Variants in ANK3 observed in about 807,000 individuals in gnomAD.
ANK3 encodes ankyrin-3.
In ANK3, 57 loss-of-function variants were observed where a neutral mutation model predicts 370.9. The ratio of observed to expected loss-of-function variants is 0.15; its 90% CI spans 0.12 to 0.19. ANK3 has a LOEUF of 0.19. Among genes scored for constraint, ANK3 ranks in the 10% least tolerant of loss-of-function variants. The probability of loss-of-function intolerance (pLI) is 1.00; values close to 1 mark genes in which losing one functional copy is unlikely to be tolerated. For missense variants in ANK3, 4,439 were observed against 5,302.1 expected, an observed-to-expected ratio of 0.84 and a Z score of 5.06; for synonymous variants, 1,929 against 1,946.3, an observed-to-expected ratio of 0.99 and a Z score of 0.23.
intron 2 of ANK3, among the ~76,000 whole-genome samples, chr10:60,557,064 T>C (rs2077223564): frequency 6.6e-6 from 1 of 152,114 alleles, no homozygotes; most frequent in Non-Finnish European, 1.5e-5. Flanking sequence ...TGTGGAAAAA[T>C]TGTCTTCCAC....
chr10:60,661,158 GT>G (rs568439558), intron 1 of ANK3, among the ~76,000 whole-genome samples: 124 of 141,632 alleles, frequency 8.8e-4, no homozygotes, highest in Middle Eastern at 3.7e-3. Flanking sequence ...AAGTGTTTTG[GT>G]TTTTTTTTTT....
At chr10:60,409,346 C>G (rs1464719386) in intron 2 of ANK3, among the ~76,000 whole-genome samples, 1 of 152,098 alleles carries the variant, frequency 6.6e-6, no homozygotes, top group Non-Finnish European at 1.5e-5. Context: ...GGTCTCCATT[C>G]TGAAATGAAG....
intron 2 of ANK3, among the ~76,000 whole-genome samples, chr10:60,499,463 A>G (rs1016057245): frequency 6.6e-6 from 1 of 152,220 alleles, no homozygotes; most frequent in South Asian, 2.1e-4. Context: ...ACTATACACA[A>G]TAGGTAAAAC....
intron 1 of ANK3, among the ~76,000 whole-genome samples, chr10:60,644,890 T>TTTAAAAA: frequency 7.9e-6 from 1 of 125,968 alleles, no homozygotes; most frequent in Admixed American, 8.9e-5. Context: ...AGTTTTAGTT[T>TTTAAAAA]AAAAAAAAAA....
chr10:60,538,275 C>T (rs2076768177), intron 2 of ANK3, among the ~76,000 whole-genome samples: 2 of 151,822 alleles, frequency 1.3e-5, no homozygotes, highest in Admixed American at 1.3e-4. Flanking sequence ...TACAGAATTC[C>T]AAATTTGTCC....
intron 2 of ANK3, among the ~76,000 whole-genome samples, chr10:60,398,672 G>A (rs533878930): frequency 1.3e-5 from 2 of 152,122 alleles, no homozygotes; most frequent in African/African-American, 4.8e-5. Context: ...ATATTTATTG[G>A]GTACCTTCTT....
chr10:60,314,848 A>T (rs1035333714), intron 1 of ANK3, among the ~76,000 whole-genome samples: 3 of 152,212 alleles, frequency 2.0e-5, no homozygotes, highest in Admixed American at 1.3e-4. Context: ...CAACTAATTT[A>T]AAAAAACTGG....
chr10:60,372,322 T>C (rs1288354553), intron 1 of ANK3, among the ~76,000 whole-genome samples: 1 of 152,180 alleles, frequency 6.6e-6, no homozygotes, highest in Non-Finnish European at 1.5e-5. Flanking sequence ...TATTATGATC[T>C]AGACAATCCA....
chr10:60,027,787 T>C lies in ANK3; in HGVS notation c.*2059A>G, dbSNP rs368482147. On this transcript the variant is annotated 3_prime_UTR_variant, in exon 44 of 44. Transcript: ENST00000280772. Reference sequence around the variant, plus strand: ...AGCCATGGTCTCTGCCTCAGTAGAATTTAGATTCACGCAGTGTATGGGTTG... The same window carrying C: ...AGCCATGGTCTCTGCCTCAGTAGAACTTAGATTCACGCAGTGTATGGGTTG... The C allele has an allele frequency of 6.6e-6, 1 of 152,140 alleles. No homozygotes were observed. Among genetic ancestry groups the C allele is most frequent in the Admixed American group, 6.5e-5 (1 of 15,272 alleles). 9.4% of individuals were successfully genotyped at this position (152,140 alleles called of 1,614,324 possible). A position where few individuals can be genotyped will look rare whatever the true frequency, so the allele number is the denominator to read the frequency against.
chr10:60,533,454 C>A (rs2076653849), intron 2 of ANK3, among the ~76,000 whole-genome samples: 1 of 152,102 alleles, frequency 6.6e-6, no homozygotes. Context: ...TCTTCTTCTC[C>A]AAAACACTCC....
chr10:60,052,826 A>G (rs1478028362), intron 42 of ANK3, among the ~76,000 whole-genome samples: 2 of 147,130 alleles, frequency 1.4e-5, no homozygotes, highest in African/African-American at 4.9e-5. Context: ...AATGAATTCC[A>G]GTATTTGTTT....
At chr10:60,106,758 A>G (rs762595961) in intron 27 of ANK3, among the ~76,000 whole-genome samples, 2 of 152,214 alleles carry the variant, frequency 1.3e-5, no homozygotes, top group Non-Finnish European at 2.9e-5. Context: ...AGGAATGTAA[A>G]AGAATGGCTG....
At chr10:60,524,510 T>C (rs763255221) in intron 2 of ANK3, among the ~76,000 whole-genome samples, 1 of 152,048 alleles carries the variant, frequency 6.6e-6, no homozygotes, top group Non-Finnish European at 1.5e-5. Flanking sequence ...GTTTTAAAAA[T>C]GGGAGTTTCT....
intron 8 of ANK3, among the ~76,000 whole-genome samples, chr10:60,228,587 TATAAG>T (rs1162007980): frequency 6.6e-6 from 1 of 152,086 alleles, no homozygotes; most frequent in African/African-American, 2.4e-5. Context: ...ATATGCTTCT[TATAAG>T]ATGTTACATG....
intron 7 of ANK3, among the ~76,000 whole-genome samples, chr10:60,257,012 T>C (rs1419207718): frequency 6.6e-6 from 1 of 152,246 alleles, no homozygotes; most frequent in Non-Finnish European, 1.5e-5. Flanking sequence ...GGTTGAATGG[T>C]AGTTTAAGTT....
At chr10:60,504,239 G>T (rs575271410) in intron 2 of ANK3, among the ~76,000 whole-genome samples, 5 of 152,192 alleles carry the variant, frequency 3.3e-5, no homozygotes, top group Non-Finnish European at 7.3e-5. Flanking sequence ...CTCAGTAAGA[G>T]TTCACTAGAG....
chr10:60,280,040 T>C (rs2098139023), intron 1 of ANK3, among the ~76,000 whole-genome samples: 1 of 152,178 alleles, frequency 6.6e-6, no homozygotes, highest in Admixed American at 6.5e-5. Context: ...AGCAATTTTT[T>C]CCATTAATGG....
In ANK3 at chr10:60,120,681, A is replaced by G. The variant is rs1416878383; in HGVS notation, c.2842-6350T>C. Among the ~76,000 whole-genome samples the G allele has an allele frequency of 2.0e-5, 3 of 152,260 alleles. No homozygotes were observed. The East Asian group carries it at 5.8e-4, about 29-fold the overall frequency. On this transcript the variant is annotated intron_variant, in intron 25 of 43. Transcript: ENST00000280772. Reference sequence around the variant, plus strand: ...AAAAGAACTGAATAGACATTTCTCAAAAGAAGACATACAAATGGCAAACCG... The same window carrying G: ...AAAAGAACTGAATAGACATTTCTCAGAAGAAGACATACAAATGGCAAACCG...
At chr10:60,585,554 C>T (rs2077819183) in intron 2 of ANK3, among the ~76,000 whole-genome samples, 1 of 152,118 alleles carries the variant, frequency 6.6e-6, no homozygotes, top group Admixed American at 6.5e-5. Context: ...GCCCTTCTCC[C>T]TATCACTTCA....
Sources: allele counts gnomAD v4.1 joint callset (sites outside exome capture counted in the v4.1 genomes callset), GRCh38; gene constraint gnomAD v4.1.1; transcripts MANE v1.5; gene names NCBI Gene and HGNC (gene_info 2026-07-23, HGNC 2026-07-21).